Variants in CDKL4 observed in about 807,000 individuals in gnomAD.
CDKL4 encodes cyclin-dependent kinase-like 4.
CDKL4 carries 44 observed loss-of-function variants against 42.0 expected under a neutral mutation model. The ratio of observed to expected loss-of-function variants is 1.05; its 90% CI spans 0.82 to 1.35. CDKL4 has a LOEUF of 1.35. Among genes scored for constraint, CDKL4 ranks in the 40% most tolerant of loss-of-function variants. The pLI, the probability that CDKL4 is intolerant of heterozygous loss-of-function variation, is 0.00. For synonymous variants in CDKL4, 120 were observed against 121.6 expected (o/e 0.99, Z 0.09); for missense variants, 393 against 369.9 (o/e 1.06, Z -0.51).
chr2:39,246,661 C>T (rs563033417), upstream of CDKL4, among the ~76,000 whole-genome samples: 1 of 152,328 alleles, frequency 6.6e-6, no homozygotes, highest in Non-Finnish European at 1.5e-5. Flanking sequence ...TGCTTTCTTA[C>T]TGCATATGGT....
chr2:39,209,080 C>T (rs908308171), intron 4 of CDKL4, among the ~76,000 whole-genome samples: 2 of 149,782 alleles, frequency 1.3e-5, no homozygotes, highest in African/African-American at 2.5e-5. Context: ...GTGGGAGAAT[C>T]GCTTGAGGTC....
chr2:39,242,345 C>A (rs896386347), intron 1 of CDKL4, among the ~76,000 whole-genome samples: 1 of 152,116 alleles, frequency 6.6e-6, no homozygotes, highest in South Asian at 2.1e-4. Flanking sequence ...CCATGCCTGG[C>A]GAAATTATTT....
chr2:39,177,824 G>C (rs1315444843), intron 9 of CDKL4, among the ~76,000 whole-genome samples: 6 of 151,528 alleles, frequency 4.0e-5, no homozygotes, highest in Admixed American at 6.6e-5. Flanking sequence ...AAGGAGCTGG[G>C]ATTACAGGCG....
At chr2:39,193,616 C>A (rs1292748282) in intron 5 of CDKL4, among the ~76,000 whole-genome samples, 1 of 152,138 alleles carries the variant, frequency 6.6e-6, no homozygotes, top group African/African-American at 2.4e-5. Context: ...CTCAGGTGAT[C>A]TGCCTGCCTT....
At chr2:39,169,631 ACT>A in the CDKL4 span, among the ~76,000 whole-genome samples, 1 of 152,112 alleles carries the variant, frequency 6.6e-6, no homozygotes, top group Non-Finnish European at 1.5e-5. Flanking sequence ...TAGCTTCACT[ACT>A]CTCTTATTTT....
intron 5 of CDKL4, among the ~76,000 whole-genome samples, chr2:39,203,579 T>C (rs1335437380): frequency 6.6e-6 from 1 of 152,204 alleles, no homozygotes; most frequent in Non-Finnish European, 1.5e-5. Flanking sequence ...CCTGTATAGT[T>C]GAGATCATAC....
At chr2:39,238,305 C>G (rs935433513) in intron 1 of CDKL4, among the ~76,000 whole-genome samples, 2 of 152,100 alleles carry the variant, frequency 1.3e-5, no homozygotes, top group African/African-American at 4.8e-5. Flanking sequence ...TAGTGGCCCT[C>G]GCCTGTGGTC....
Position 39,177,001 on chromosome 2 carries a change from G to A in CDKL4, c.928-905C>T, listed in dbSNP as rs148417385. On this transcript the variant is annotated intron_variant, in intron 9 of 9. Coordinates refer to ENST00000451199, the Ensembl canonical transcript of CDKL4. ...GAGAGAGCTGTTTAGGACCGGCCTCGTGTAGGTGCTACAGGGGGACCCACC... is the reference window on the plus strand; with the variant it reads ...GAGAGAGCTGTTTAGGACCGGCCTCATGTAGGTGCTACAGGGGGACCCACC... Among the ~76,000 whole-genome samples the A allele has an allele frequency of 7.6e-3, 1,155 of 152,210 alleles. 17 individuals are homozygous for A. Among genetic ancestry groups the A allele is most frequent in the African/African-American group, 0.027 (1,107 of 41,530 alleles).
At chr2:39,212,395 G>A (rs1035975906) in intron 4 of CDKL4, among the ~76,000 whole-genome samples, 2 of 151,650 alleles carry the variant, frequency 1.3e-5, no homozygotes, top group African/African-American at 2.4e-5. Context: ...CACCATGCCC[G>A]GCCAATTTTT....
chr2:39,183,904 G>C (rs956489310), intron 8 of CDKL4, among the ~76,000 whole-genome samples: 1 of 152,228 alleles, frequency 6.6e-6, no homozygotes, highest in Admixed American at 6.5e-5. Context: ...ACAAAGGCTG[G>C]TCTACAAAAG....
intron 3 of CDKL4, among the ~76,000 whole-genome samples, chr2:39,215,680 C>T (rs1677873578): frequency 6.6e-6 from 1 of 152,124 alleles, no homozygotes; most frequent in Non-Finnish European, 1.5e-5. Flanking sequence ...AGTGGGAAGG[C>T]CTAGGCATGA....
intron 7 of CDKL4, among the ~76,000 whole-genome samples, chr2:39,185,393 TATATACATATGTGTATATATAC>T (rs1409711404): frequency 3.4e-5 from 2 of 59,522 alleles, no homozygotes; most frequent in South Asian, 5.3e-4. Context: ...TATACATGTA[TATATACATATGTGTATATATAC>T]ATATATATAT....
At chr2:39,187,339 C>T (rs1251489667) in intron 7 of CDKL4, among the ~76,000 whole-genome samples, 1 of 152,096 alleles carries the variant, frequency 6.6e-6, no homozygotes, top group Non-Finnish European at 1.5e-5. Flanking sequence ...GAATAATACA[C>T]TGTGCTAATA....
intron 9 of CDKL4, 50 bp downstream of exon 9, chr2:39,179,137 A>T: frequency 1.3e-6 from 2 of 1,575,714 alleles, no homozygotes; most frequent in Non-Finnish European, 1.7e-6. Flanking sequence ...GACAAACAAA[A>T]ACAAAAAAGG....
intron 5 of CDKL4, 65 bp downstream of exon 5, chr2:39,204,462 G>A (rs1024295183): frequency 4.3e-6 from 4 of 934,026 alleles, no homozygotes; most frequent in Non-Finnish European, 6.9e-6. Flanking sequence ...TCCAATGTAA[G>A]AATTTAAACT....
At chr2:39,204,437 G>T in intron 5 of CDKL4, 90 bp downstream of exon 5, 1 of 774,844 alleles carries the variant, frequency 1.3e-6, no homozygotes, top group African/African-American at 1.8e-5. Context: ...TACAATATTT[G>T]GCATATGTCC....
At chr2:39,220,970 G>A (rs764189584) in intron 3 of CDKL4, among the ~76,000 whole-genome samples, 2 of 85,768 alleles carry the variant, frequency 2.3e-5, no homozygotes, top group East Asian at 4.6e-4. Flanking sequence ...TCACTACATC[G>A]ACGATCTTTT....
At chr2:39,216,480 T>C (rs1312034766) in intron 3 of CDKL4, among the ~76,000 whole-genome samples, 2 of 152,018 alleles carry the variant, frequency 1.3e-5, no homozygotes, top group Non-Finnish European at 2.9e-5. Context: ...TTCAAAACCA[T>C]TGAAAGAAAT....
At chr2:39,193,264 C>T (rs1380184507) in intron 5 of CDKL4, among the ~76,000 whole-genome samples, 3 of 145,634 alleles carry the variant, frequency 2.1e-5, no homozygotes, top group Non-Finnish European at 4.5e-5. Flanking sequence ...CGAAATCTCT[C>T]TCTGTTAAAA....
Sources: gnomAD v4.1 joint callset for allele counts (sites outside exome capture counted in the v4.1 genomes callset) on GRCh38, gnomAD v4.1.1 for gene constraint, MANE v1.5 for transcripts, NCBI Gene and HGNC (gene_info 2026-07-23, HGNC 2026-07-21) for gene names.